Variants in PDE8A observed in about 807,000 individuals in gnomAD.
PDE8A encodes the protein phosphodiesterase 8A.
In PDE8A, 59 loss-of-function variants were observed where a neutral mutation model predicts 105.0. The ratio of observed to expected loss-of-function variants is 0.56; its 90% CI spans 0.46 to 0.70. The LOEUF is 0.70. Among genes scored for constraint, PDE8A ranks in the 30% least tolerant of loss-of-function variants. The probability of loss-of-function intolerance (pLI) is 0.00; values close to 1 mark genes in which losing one functional copy is unlikely to be tolerated. For missense variants in PDE8A, 1,014 were observed against 1,045.9 expected (o/e 0.97, Z 0.42); for synonymous variants, 355 against 371.9 (o/e 0.95, Z 0.52).
rs144567336 is a variant in PDE8A, at chr15:85,072,870, T to C, written c.435-2992T>C. Among the ~76,000 whole-genome samples the C allele has an allele frequency of 5.1e-3, 784 of 152,274 alleles. 7 individuals are homozygous for C. The highest frequency in any genetic ancestry group is 0.016 in the South Asian group (77 of 4,822). ...GCTCACACCTCTAATCCCAGCACTT[T>C]GGGAGGCCAAGGCAGGCAGATTGCT... On this transcript the variant is annotated intron_variant, in intron 3 of 21. Coordinates refer to ENST00000394553, the MANE Select transcript of PDE8A (RefSeq NM_002605.3).
In PDE8A at chr15:84,982,342, C is replaced by A; in HGVS notation, c.180C>A (p.Gly60=). 3 of 1,327,582 alleles carry A rather than the reference C, an allele frequency of 2.3e-6. No homozygotes were observed. Among genetic ancestry groups the A allele is most frequent in the Non-Finnish European group, 2.9e-6 (3 of 1,042,308 alleles). 82.2% of individuals were successfully genotyped at this position (1,327,582 alleles called of 1,614,324 possible). Residue 60 remains glycine, a synonymous_variant, in exon 1 of 22, where the codon GGC becomes GGA. Transcript: ENST00000394553. ...AGTCGGAGCTTCGCGACGGCAGCGGCAAGAAGGTAAGGGGCGCCGGGCACT... is the reference window on the plus strand; with the variant it reads ...AGTCGGAGCTTCGCGACGGCAGCGGAAAGAAGGTAAGGGGCGCCGGGCACT... ...LLESELRDGS[G]KKVAVADVQF...
At chr15:85,105,236 C>G (rs1191914617) in intron 11 of PDE8A, among the ~76,000 whole-genome samples, 1 of 152,000 alleles carries the variant, frequency 6.6e-6, no homozygotes, top group African/African-American at 2.4e-5. Context: ...GAGATTTGGT[C>G]TGTGCCTGGA....
In PDE8A at chr15:85,112,118, ATCTT is replaced by A. The variant is rs1173518051; in HGVS notation, c.1115-1257_1115-1254del. Among the ~76,000 whole-genome samples, 8 of 152,196 alleles carry A rather than the reference ATCTT, an allele frequency of 5.3e-5. No homozygotes were observed. In the East Asian group the frequency reaches 1.5e-3, roughly 29 times the overall value. On this transcript the variant is annotated intron_variant, in intron 12 of 21. Coordinates refer to ENST00000394553, the MANE Select transcript of PDE8A (RefSeq NM_002605.3). ...GCTTTCTGTATACACAGTCATGACA[ATCTT>A]TATACTTTTTTTCTTACCTTATTGC...
intron 1 of PDE8A, among the ~76,000 whole-genome samples, chr15:84,999,334 C>T (rs1380065927): frequency 6.6e-6 from 1 of 151,890 alleles, no homozygotes; most frequent in South Asian, 2.1e-4. Context: ...TTGGCCAGGC[C>T]TGGTCTTTGA....
rs150401621 is a variant in PDE8A, at chr15:85,070,777, G to A, written c.434+3573G>A. Among the ~76,000 whole-genome samples the A allele has an allele frequency of 9.8e-3, 1,500 of 152,306 alleles. 17 individuals are homozygous for A. The highest frequency in any genetic ancestry group is 0.068 in the Middle Eastern group (20 of 294). ...AAAGGCTGTGGACTCTACCCCGTAG[G>A]TAGTTGAAACACTGATAGATTCTGC... is the stretch of plus-strand genomic sequence containing the variant. On this transcript the variant is annotated intron_variant, in intron 3 of 21. Coordinates refer to ENST00000394553, the MANE Select transcript of PDE8A (RefSeq NM_002605.3).
At chr15:85,124,829 C>T (rs562900476) in intron 19 of PDE8A, among the ~76,000 whole-genome samples, 5 of 152,286 alleles carry the variant, frequency 3.3e-5, no homozygotes, top group Non-Finnish European at 7.4e-5. Flanking sequence ...CAGAAGGAAA[C>T]CATACACCCA....
intron 1 of PDE8A, among the ~76,000 whole-genome samples, chr15:85,023,598 G>C (rs2080464446): frequency 6.7e-6 from 1 of 148,358 alleles, no homozygotes; most frequent in African/African-American, 2.4e-5. Context: ...GGAGGAATTA[G>C]GTTCAAGATT....
chr15:85,083,162 C>G (rs1359151220), intron 5 of PDE8A, among the ~76,000 whole-genome samples: 1 of 152,156 alleles, frequency 6.6e-6, no homozygotes, highest in Non-Finnish European at 1.5e-5. Context: ...TAAAGCGGAC[C>G]AAATACTGTT....
chr15:84,988,370 T>G (rs981677498), intron 1 of PDE8A, among the ~76,000 whole-genome samples: 4 of 152,218 alleles, frequency 2.6e-5, no homozygotes, highest in Admixed American at 1.3e-4. Flanking sequence ...TTTTGTTAAG[T>G]TTCGACTTAC....
chr15:85,096,109 T>G (rs565548832), intron 8 of PDE8A, among the ~76,000 whole-genome samples: 1 of 151,998 alleles, frequency 6.6e-6, no homozygotes, highest in Non-Finnish European at 1.5e-5. Flanking sequence ...TCTCTTGACC[T>G]CGTGATCCAC....
At chr15:85,031,391 A>AC (rs2141373901) in intron 1 of PDE8A, among the ~76,000 whole-genome samples, 1 of 152,032 alleles carries the variant, frequency 6.6e-6, no homozygotes, top group Non-Finnish European at 1.5e-5. Context: ...GCCGTCAAAA[A>AC]CCCTGCCATT....
intron 1 of PDE8A, among the ~76,000 whole-genome samples, chr15:84,990,488 A>G (rs1045105975): frequency 2.6e-5 from 4 of 152,136 alleles, no homozygotes; most frequent in Non-Finnish European, 4.4e-5. Flanking sequence ...CTTACAGTCT[A>G]TTCTTTTTTT....
intron 16 of PDE8A, 22 bp downstream of exon 16, chr15:85,116,141 C>T (rs369107311): frequency 5.5e-5 from 88 of 1,612,676 alleles, no homozygotes; most frequent in Non-Finnish European, 6.8e-5. Flanking sequence ...CAGAGCTCAG[C>T]AGCGGGAGAA....
intron 1 of PDE8A, among the ~76,000 whole-genome samples, chr15:85,037,424 C>T (rs2080726587): frequency 2.0e-5 from 3 of 152,138 alleles, no homozygotes; most frequent in Non-Finnish European, 4.4e-5. Context: ...TCCAGGACCC[C>T]ATGAGATGCC....
chr15:85,065,561 C>T (rs2081211339), intron 2 of PDE8A, among the ~76,000 whole-genome samples: 1 of 151,550 alleles, frequency 6.6e-6, no homozygotes, highest in Non-Finnish European at 1.5e-5. Flanking sequence ...ATGTTTCATT[C>T]ACTATTACAT....
intron 16 of PDE8A, 53 bp downstream of exon 16, chr15:85,116,172 T>C: frequency 1.9e-6 from 3 of 1,584,216 alleles, no homozygotes; most frequent in Non-Finnish European, 2.6e-6. Flanking sequence ...AGGGCCTGTG[T>C]GAGGAGGCTA....
chr15:85,137,884 TCCGA>T lies in PDE8A; in HGVS notation c.2474_2477del (p.Arg825HisfsTer13), dbSNP rs763639022. ...CTGGACGAAATGAAGCTGCGGAACCTCCGACCACCTCCTGAATAGTGGGAGACAC... is the reference window on the plus strand; with the variant it reads ...CTGGACGAAATGAAGCTGCGGAACCTCCACCTCCTGAATAGTGGGAGACAC... On this transcript the variant is annotated frameshift_variant, in exon 22 of 22. Coordinates refer to ENST00000394553, the MANE Select transcript of PDE8A (RefSeq NM_002605.3). LOFTEE classifies it high-confidence loss of function. The T allele has an allele frequency of 1.2e-6, 2 of 1,606,670 alleles. No homozygotes were observed. Among genetic ancestry groups the T allele is most frequent in the East Asian group, 4.5e-5 (2 of 44,840 alleles).
chr15:85,128,781 G>T (rs191951477), intron 20 of PDE8A, among the ~76,000 whole-genome samples: 1 of 152,298 alleles, frequency 6.6e-6, no homozygotes, highest in Non-Finnish European at 1.5e-5. Flanking sequence ...CATGAAAAAA[G>T]TGCTGAACAT....
intron 5 of PDE8A, among the ~76,000 whole-genome samples, chr15:85,078,338 G>A (rs1400427783): frequency 2.0e-5 from 3 of 151,864 alleles, no homozygotes; most frequent in Admixed American, 6.6e-5. Context: ...ACGAGGTCAG[G>A]AGATTGAGAC....
Sources: allele counts gnomAD v4.1 joint callset (sites outside exome capture counted in the v4.1 genomes callset), GRCh38; gene constraint gnomAD v4.1.1; transcripts MANE v1.5; gene names NCBI Gene and HGNC (gene_info 2026-07-23, HGNC 2026-07-21).